Variants in SLC24A2 observed in about 807,000 individuals in gnomAD.
SLC24A2 encodes the protein sodium/potassium/calcium exchanger 2.
In SLC24A2, 36 loss-of-function variants were observed where a neutral mutation model predicts 62.0. The ratio of observed to expected loss-of-function variants is 0.58; its 90% CI spans 0.44 to 0.77. The LOEUF is 0.77. SLC24A2 is among the 30% of genes least tolerant of loss of function. The pLI, the probability that SLC24A2 is intolerant of heterozygous loss-of-function variation, is 0.00. For synonymous variants in SLC24A2, 358 were observed against 294.0 expected (o/e 1.22, Z -2.23); for missense variants, 846 against 817.9 (o/e 1.03, Z -0.42).
the SLC24A2 span, among the ~76,000 whole-genome samples, chr9:20,186,105 C>A: frequency 6.6e-6 from 1 of 152,152 alleles, no homozygotes; most frequent in South Asian, 2.1e-4. Context: ...GAGGAGGGGG[C>A]CGGCCTTAAG....
chr9:19,567,559 AAAAAAGGT>A (rs1169843795), intron 7 of SLC24A2, among the ~76,000 whole-genome samples: 9 of 128,382 alleles, frequency 7.0e-5, no homozygotes, highest in African/African-American at 1.9e-4. Flanking sequence ...AAAAAAAAAA[AAAAAAGGT>A]AAGGAATATG....
At chr9:19,776,299 T>G (rs557802691) in intron 2 of SLC24A2, among the ~76,000 whole-genome samples, 1 of 152,228 alleles carries the variant, frequency 6.6e-6, no homozygotes, top group Admixed American at 6.5e-5. Context: ...AGGCTCAAGT[T>G]CAAACGCCAT....
At chr9:19,947,777 C>A in the SLC24A2 span, among the ~76,000 whole-genome samples, 6 of 72,550 alleles carry the variant, frequency 8.3e-5, no homozygotes, top group African/African-American at 3.9e-4. Context: ...AGGGTCACAG[C>A]GAGACTCTGT....
chr9:19,592,483 T>G (rs1382511556), intron 5 of SLC24A2, among the ~76,000 whole-genome samples: 2 of 141,934 alleles, frequency 1.4e-5, no homozygotes, highest in Non-Finnish European at 3.0e-5. Flanking sequence ...CCGACCTACC[T>G]ACCTACCTAC....
At chr9:20,029,610 T>A in the SLC24A2 span, among the ~76,000 whole-genome samples, 6 of 152,160 alleles carry the variant, frequency 3.9e-5, no homozygotes, top group East Asian at 1.2e-3. Context: ...CAAACACACC[T>A]ATACTTGTGA....
In SLC24A2 at chr9:19,734,749, T is replaced by A. The variant is rs188937969; in HGVS notation, c.930+51188A>T. ...TTGATTTTGTATCCCGAGACTTTGC[T>A]GAAGTTGCCTATCAGCTTAAGGAGA... On this transcript the variant is annotated intron_variant, in intron 2 of 10. Coordinates refer to ENST00000341998, the MANE Select transcript of SLC24A2 (RefSeq NM_020344.4). Among the ~76,000 whole-genome samples the A allele has an allele frequency of 3.7e-4, 56 of 151,434 alleles. 1 individual carries two copies. In the East Asian group the frequency reaches 9.6e-3, roughly 26 times the overall value.
the SLC24A2 span, among the ~76,000 whole-genome samples, chr9:19,875,493 T>G: frequency 6.6e-6 from 1 of 152,192 alleles, no homozygotes; most frequent in African/African-American, 2.4e-5. Flanking sequence ...CATCAAAGCA[T>G]CAACCCAGAT....
chr9:20,080,286 C>T, the SLC24A2 span, among the ~76,000 whole-genome samples: 1 of 152,122 alleles, frequency 6.6e-6, no homozygotes, highest in African/African-American at 2.4e-5. Flanking sequence ...GAGATATAGA[C>T]CAATGGAACA....
At chr9:20,034,615 C>T in the SLC24A2 span, among the ~76,000 whole-genome samples, 5 of 151,916 alleles carry the variant, frequency 3.3e-5, no homozygotes, top group East Asian at 1.9e-4. Context: ...TACAGTGGCC[C>T]GCCACTATGC....
At chr9:19,781,365 T>C (rs1256358993) in intron 2 of SLC24A2, among the ~76,000 whole-genome samples, 1 of 148,440 alleles carries the variant, frequency 6.7e-6, no homozygotes, top group African/African-American at 2.5e-5. Flanking sequence ...AAGAGAGGAA[T>C]AGATGAAGTA....
At chr9:20,297,307 C>T in the SLC24A2 span, among the ~76,000 whole-genome samples, 2 of 152,162 alleles carry the variant, frequency 1.3e-5, no homozygotes, top group Non-Finnish European at 2.9e-5. Context: ...TCAGCATCAT[C>T]CATTTTACAC....
chr9:20,275,065 G>A, the SLC24A2 span, among the ~76,000 whole-genome samples: 1 of 151,786 alleles, frequency 6.6e-6, no homozygotes, highest in African/African-American at 2.4e-5. Context: ...CTAAGATGAT[G>A]CGACCCAGCA....
At chr9:19,788,694 G>C (rs1301826176) in intron 1 of SLC24A2, 191 bp downstream of exon 1, 3 of 985,152 alleles carry the variant, frequency 3.0e-6, no homozygotes, top group Non-Finnish European at 3.6e-6. Flanking sequence ...GGGTAGGAGA[G>C]GCGGGGGCTC....
chr9:19,657,056 C>G (rs1218949258), intron 2 of SLC24A2, among the ~76,000 whole-genome samples: 1 of 152,226 alleles, frequency 6.6e-6, no homozygotes, highest in Non-Finnish European at 1.5e-5. Context: ...GCCCCCATCT[C>G]TGGCTTCTAA....
At chr9:20,043,500 C>A in the SLC24A2 span, among the ~76,000 whole-genome samples, 1 of 152,150 alleles carries the variant, frequency 6.6e-6, no homozygotes, top group Non-Finnish European at 1.5e-5. Flanking sequence ...TTCTGGATGC[C>A]ATTAAGGGCA....
chr9:20,055,324 T>C, the SLC24A2 span, among the ~76,000 whole-genome samples: 6 of 152,144 alleles, frequency 3.9e-5, no homozygotes, highest in East Asian at 1.9e-4. Flanking sequence ...AAATACATGA[T>C]ATAAGGGAGA....
chr9:19,850,942 T>TATGCATATATATATATATATATATACAC, the SLC24A2 span, among the ~76,000 whole-genome samples: 1 of 29,094 alleles, frequency 3.4e-5, no homozygotes, highest in African/African-American at 1.2e-4. Context: ...CATATATATA[T>TATGCATATATATATATATATATATACAC]ATACATATAT....
the SLC24A2 span, among the ~76,000 whole-genome samples, chr9:20,186,524 T>C: frequency 2.0e-5 from 3 of 152,184 alleles, no homozygotes; most frequent in Non-Finnish European, 4.4e-5. Context: ...ACTCATCCTT[T>C]GCCAGCTACC....
At chr9:19,573,752 T>C (rs1319712863) in intron 6 of SLC24A2, among the ~76,000 whole-genome samples, 1 of 152,162 alleles carries the variant, frequency 6.6e-6, no homozygotes, top group East Asian at 1.9e-4. Context: ...CCTGGCTTCC[T>C]GCTCTGGCAT....
Sources: gnomAD v4.1 joint callset for allele counts (sites outside exome capture counted in the v4.1 genomes callset) on GRCh38, gnomAD v4.1.1 for gene constraint, MANE v1.5 for transcripts, NCBI Gene and HGNC (gene_info 2026-07-23, HGNC 2026-07-21) for gene names.